Variants in CCDC66 observed in about 807,000 individuals in gnomAD.
CCDC66 encodes coiled-coil domain containing 66.
In CCDC66, 133 loss-of-function variants were observed where a neutral mutation model predicts 128.3. The ratio of observed to expected loss-of-function variants is 1.04; its 90% confidence interval spans 0.90 to 1.20. CCDC66 has a LOEUF of 1.20. Ranked by LOEUF, CCDC66 falls within the 50% of genes most tolerant of loss-of-function variation. CCDC66 has a pLI of 0.00. For missense variants in CCDC66, 1,126 were observed against 1,075.5 expected (o/e 1.05, Z -0.66); for synonymous variants, 387 against 357.0 (o/e 1.08, Z -0.95).
chr3:56,583,919 C>CG (rs1466615952), intron 7 of CCDC66, among the ~76,000 whole-genome samples: 4 of 85,458 alleles, frequency 4.7e-5, no homozygotes, highest in African/African-American at 2.0e-4. Flanking sequence ...GGCGGCTGGG[C>CG]GGGGGCTGCC....
chr3:56,593,150 C>A, intron 8 of CCDC66, 49 bp downstream of exon 8: 1 of 1,404,832 alleles, frequency 7.1e-7, no homozygotes, highest in South Asian at 1.3e-5. Context: ...AAATCAAAGT[C>A]TTTAATCAAT....
chr3:56,587,324 G>A (rs1404264755), intron 7 of CCDC66, among the ~76,000 whole-genome samples: 1 of 151,848 alleles, frequency 6.6e-6, no homozygotes, highest in Admixed American at 6.6e-5. Context: ...TCTCATTACT[G>A]TAAAGAAATC....
intron 10 of CCDC66, among the ~76,000 whole-genome samples, chr3:56,602,164 A>G (rs895381163): frequency 5.3e-5 from 8 of 152,042 alleles, no homozygotes; most frequent in African/African-American, 9.7e-5. Flanking sequence ...GTTTATTGAG[A>G]GTTTTTAGCA....
rs1461769456 is a variant in CCDC66, at chr3:56,557,235, G to C, written c.-8G>C. On this transcript the variant is annotated 5_prime_UTR_variant, in exon 1 of 18. Transcript: ENST00000394672. ...GAGCGTTCTGTGGAGAGAGTGCGAG[G>C]TCAGGCCATGAACTTGGGGTAAGCA... The C allele has an allele frequency of 6.5e-7, 1 of 1,548,466 alleles. No individual in the cohort carries two copies. Among genetic ancestry groups the C allele is most frequent in the African/African-American group, 1.4e-5 (1 of 72,132 alleles).
At chr3:56,581,341 A>G (rs1015083642) in intron 7 of CCDC66, among the ~76,000 whole-genome samples, 15 of 151,846 alleles carry the variant, frequency 9.9e-5, no homozygotes, top group African/African-American at 3.4e-4. Context: ...CTTCTTTGCA[A>G]TGGGTTGGAA....
chr3:56,605,483 C>CTAA (rs1295665093), intron 10 of CCDC66, among the ~76,000 whole-genome samples: 8 of 151,992 alleles, frequency 5.3e-5, no homozygotes, highest in African/African-American at 1.9e-4. Flanking sequence ...GTTGTTGATG[C>CTAA]TAATCCTTTC....
intron 10 of CCDC66, among the ~76,000 whole-genome samples, chr3:56,603,137 C>CT (rs1292787764): frequency 6.6e-6 from 1 of 152,004 alleles, no homozygotes; most frequent in African/African-American, 2.4e-5. Context: ...ACCCGGCCCC[C>CT]TTTATCATTT....
chr3:56,594,035 C>G lies in CCDC66; in HGVS notation c.1404+7C>G, dbSNP rs367859768. ...AAAACAATTAGAGCATCAGGTATTG[C>G]ATTGTTAAACATTGTTCTTTACCTT... On this transcript the variant is annotated splice_region_variant and intron_variant, in intron 10 of 17. Coordinates refer to ENST00000394672, the MANE Select transcript of CCDC66 (RefSeq NM_001141947.3). 25 of 1,601,532 alleles carry G rather than the reference C, an allele frequency of 1.6e-5. No homozygotes were observed. The highest frequency in any genetic ancestry group is 2.1e-5 in the Non-Finnish European group (24 of 1,168,412).
At chr3:56,601,214 A>G (rs1229862259) in intron 10 of CCDC66, among the ~76,000 whole-genome samples, 1 of 152,122 alleles carries the variant, frequency 6.6e-6, no homozygotes, top group Non-Finnish European at 1.5e-5. Flanking sequence ...TCCCAACACC[A>G]TTTATGAAGT....
intron 13 of CCDC66, 184 bp downstream of exon 13, chr3:56,616,237 GT>G (rs2075492243): frequency 2.0e-6 from 1 of 490,350 alleles, no homozygotes. Flanking sequence ...TTATCCTACA[GT>G]TTAGTCTTTT....
intron 17 of CCDC66, chr3:56,621,189 A>C (rs961656845): frequency 9.1e-4 from 150 of 164,840 alleles, no homozygotes; most frequent in Non-Finnish European, 1.4e-3. Flanking sequence ...ACAACAAAAA[A>C]AAAACACTGT....
intron 3 of CCDC66, among the ~76,000 whole-genome samples, chr3:56,562,219 TA>T (rs1291416340): frequency 2.0e-5 from 3 of 151,918 alleles, no homozygotes; most frequent in Admixed American, 6.6e-5. Context: ...GTTAATTGTT[TA>T]AAATTTTTTG....
chr3:56,617,542 A>T lies in CCDC66; in HGVS notation c.2274A>T (p.Pro758=). The T allele has an allele frequency of 6.2e-7, 1 of 1,610,260 alleles. No individual in the cohort carries two copies. The highest frequency in any genetic ancestry group is 8.5e-7 in the Non-Finnish European group (1 of 1,179,124). The change falls in exon 14 of 18, where the codon CCA becomes CCT. Residue 758 remains proline, a synonymous_variant. Coordinates refer to ENST00000394672, the MANE Select transcript of CCDC66 (RefSeq NM_001141947.3). ...TCTCTCAAAACAGAGGCATTTCACC[A>T]GAAATTTTTCATTCATCTCATCAAG... ...GHLSQNRGIS[P]EIFHSSHQET...
At chr3:56,558,569 ATAACT>A (rs774328917) in intron 1 of CCDC66, among the ~76,000 whole-genome samples, 19 of 152,346 alleles carry the variant, frequency 1.2e-4, no homozygotes, top group Non-Finnish European at 2.1e-4. Flanking sequence ...TGGTGGTATG[ATAACT>A]TAATTTATAG....
At chr3:56,601,908 T>C (rs1189230215) in intron 10 of CCDC66, among the ~76,000 whole-genome samples, 1 of 152,124 alleles carries the variant, frequency 6.6e-6, no homozygotes, top group African/African-American at 2.4e-5. Context: ...AATCATGTCA[T>C]CTGCAAACAG....
rs758678325 is a variant in CCDC66 at position 56,617,584 on chromosome 3, G to A, written c.2316G>A (p.Leu772=). 1 of 1,604,334 alleles carries A rather than the reference G, an allele frequency of 6.2e-7. No homozygotes were observed. The highest frequency in any genetic ancestry group is 1.7e-4 in the Middle Eastern group (1 of 5,988). ...CTCATCAAGAAACGGAGTCAAAGTTGAGGTGGCATCTAGTCAAAAAGGTAA... is the reference window on the plus strand; with the variant it reads ...CTCATCAAGAAACGGAGTCAAAGTTAAGGTGGCATCTAGTCAAAAAGGTAA... ...HSSHQETESK[L]RWHLVKKEEE... The change falls in exon 14 of 18, where the codon TTG becomes TTA. Residue 772 remains leucine, a synonymous_variant. Coordinates refer to ENST00000394672, the MANE Select transcript of CCDC66 (RefSeq NM_001141947.3).
intron 7 of CCDC66, chr3:56,572,314 A>G: frequency 1.6e-6 from 2 of 1,264,700 alleles, no homozygotes; most frequent in South Asian, 1.2e-5. Context: ...CTGTTTTTCT[A>G]TTTATTTTTA....
At chr3:56,589,921 AC>A (rs1365115770) in intron 7 of CCDC66, among the ~76,000 whole-genome samples, 1 of 152,080 alleles carries the variant, frequency 6.6e-6, no homozygotes, top group Non-Finnish European at 1.5e-5. Context: ...CATTTGTTAA[AC>A]CTCTATGGGC....
At chr3:56,597,380 G>A (rs1045713792) in intron 10 of CCDC66, among the ~76,000 whole-genome samples, 27 of 151,776 alleles carry the variant, frequency 1.8e-4, no homozygotes, top group Non-Finnish European at 3.7e-4. Flanking sequence ...TGGTTATTAC[G>A]GCTCTTTTTT....
Sources: allele counts gnomAD v4.1 joint callset (sites outside exome capture counted in the v4.1 genomes callset), GRCh38; gene constraint gnomAD v4.1.1; transcripts MANE v1.5; gene names NCBI Gene and HGNC (gene_info 2026-07-23, HGNC 2026-07-21).